Variants in IDI1 observed in about 807,000 individuals in gnomAD.
IDI1 encodes the protein isopentenyl-diphosphate delta isomerase 1.
A neutral mutation model predicts 32.9 loss-of-function variants in IDI1; 23 were observed. The ratio of observed to expected loss-of-function variants is 0.70; its 90% confidence interval spans 0.50 to 0.99. IDI1 has a LOEUF of 0.99. IDI1 is among the 50% of genes least tolerant of loss of function. The pLI is 0.00. For missense variants in IDI1, 326 were observed against 351.9 expected (o/e 0.93, Z 0.59); for synonymous variants, 133 against 128.2 (o/e 1.04, Z -0.25).
the IDI1 span, among the ~76,000 whole-genome samples, chr10:1,055,790 C>T: frequency 6.6e-6 from 1 of 152,080 alleles, no homozygotes. Flanking sequence ...CAAGTTACCA[C>T]TTCTGACTCT....
chr10:1,055,203 T>G, the IDI1 span, among the ~76,000 whole-genome samples: 2 of 152,282 alleles, frequency 1.3e-5, no homozygotes, highest in Non-Finnish European at 2.9e-5. Flanking sequence ...TTTTGACGAG[T>G]AATTTCCACA....
chr10:1,048,259 A>T, intron 1 of IDI1: 1 of 1,304,170 alleles, frequency 7.7e-7, no homozygotes, highest in East Asian at 5.5e-5. Flanking sequence ...GCGTTTAAAG[A>T]ATACCATGTA....
At chr10:1,039,292 T>C (rs941611757), downstream of IDI1, 1 of 154,596 alleles carries the variant, frequency 6.5e-6, no homozygotes, top group African/African-American at 2.4e-5. Flanking sequence ...AAGAAGAAAA[T>C]GTGCCTTCCT....
intron 3 of IDI1, 49 bp from the exon 4 acceptor site, chr10:1,042,811 C>A: frequency 6.4e-7 from 1 of 1,552,088 alleles, no homozygotes; most frequent in South Asian, 1.1e-5. Context: ...CAAAGTAGGT[C>A]TGAAAGATCA....
At chr10:1,043,676 T>G (rs11250238) in intron 2 of IDI1, 1 of 642,512 alleles carries the variant, frequency 1.6e-6, no homozygotes, top group Non-Finnish European at 2.9e-6. Context: ...TGAAGGCACA[T>G]GCTTCCCTGC....
upstream of IDI1, among the ~76,000 whole-genome samples, chr10:1,052,778 TCAA>T (rs1235193484): frequency 2.6e-5 from 4 of 152,194 alleles, no homozygotes; most frequent in Non-Finnish European, 5.9e-5. Flanking sequence ...AGCACTGGCT[TCAA>T]CATAAAGTCA....
chr10:1,042,608 T>C (rs1564484063), intron 4 of IDI1, 24 bp downstream of exon 4: 1 of 1,612,796 alleles, frequency 6.2e-7, no homozygotes, highest in East Asian at 2.2e-5. Context: ...TCAGCTTGTA[T>C]GGTTGTGTAG....
the IDI1 span, among the ~76,000 whole-genome samples, chr10:1,055,698 C>T: frequency 5.5e-5 from 8 of 144,994 alleles, no homozygotes; most frequent in African/African-American, 1.8e-4. Context: ...ATACTTAATG[C>T]AGAAATAACT....
chr10:1,055,865 G>C, the IDI1 span, among the ~76,000 whole-genome samples: 2 of 152,078 alleles, frequency 1.3e-5, no homozygotes, highest in Non-Finnish European at 2.9e-5. Context: ...CTGGAGTGCA[G>C]AGGCGCGATC....
chr10:1,050,750 T>A (rs1399912362), upstream of IDI1, among the ~76,000 whole-genome samples: 1 of 152,106 alleles, frequency 6.6e-6, no homozygotes, highest in East Asian at 1.9e-4. Flanking sequence ...CCAGTTCACC[T>A]CACGTGCACA....
rs112260074 is a variant in IDI1, at chr10:1,048,637, C to T, written c.140+227G>A. Reference sequence around the variant, plus strand: ...AAAGAATGGCAACGTCTCTGACGCCCCGACTCACGCCTCCGCCTTCCACGG... The same window carrying T: ...AAAGAATGGCAACGTCTCTGACGCCTCGACTCACGCCTCCGCCTTCCACGG... On this transcript the variant is annotated intron_variant, in intron 1 of 4. Coordinates refer to ENST00000381344, the MANE Select transcript of IDI1 (RefSeq NM_004508.4). 14 of 1,409,320 alleles carry T rather than the reference C, an allele frequency of 9.9e-6. No individual in the cohort carries two copies. The African/African-American group carries it at 1.3e-4, about 13-fold the overall frequency. 87.3% of individuals were successfully genotyped at this position (1,409,320 alleles called of 1,614,324 possible).
chr10:1,045,891 G>GTGTGTGTA (rs1832793795), intron 1 of IDI1, among the ~76,000 whole-genome samples: 1 of 151,946 alleles, frequency 6.6e-6, no homozygotes, highest in Non-Finnish European at 1.5e-5. Flanking sequence ...GTGTGTGTGT[G>GTGTGTGTA]TGTGAATGCG....
rs1169210671 is a variant in IDI1 at position 1,041,552 on chromosome 10, CAAA to C, written c.538-51_538-49del. The C allele has an allele frequency of 1.0e-5, 11 of 1,065,502 alleles. No individual in the cohort carries two copies. In the African/African-American group the frequency reaches 1.5e-4, roughly 14 times the overall value. 66.0% of individuals were successfully genotyped at this position (1,065,502 alleles called of 1,614,324 possible). A position where few individuals can be genotyped will look rare whatever the true frequency, so the allele number is the denominator to read the frequency against. On this transcript the variant is annotated intron_variant, in intron 4 of 4. Transcript: ENST00000381344. Reference sequence around the variant, plus strand: ...GTAATTAAAACATCGGCCACCGTAACAAAAAAAATCTAAAATTAGCTCACTGTA... The same window carrying C: ...GTAATTAAAACATCGGCCACCGTAACAAAAATCTAAAATTAGCTCACTGTA...
At chr10:1,042,787 G>A in intron 3 of IDI1, 25 bp from the exon 4 acceptor site, 1 of 1,600,614 alleles carries the variant, frequency 6.2e-7, no homozygotes, top group Non-Finnish European at 8.6e-7. Flanking sequence ...TACAGAGACA[G>A]ATCAACTTTT....
upstream of IDI1, among the ~76,000 whole-genome samples, chr10:1,052,274 T>C (rs1186645035): frequency 6.6e-6 from 1 of 152,234 alleles, no homozygotes; most frequent in African/African-American, 2.4e-5. Context: ...TTCAACAGTG[T>C]TCACATCTTC....
At chr10:1,043,522 T>C (rs774283132) in intron 2 of IDI1, 129 bp from the exon 3 acceptor site, 1 of 722,950 alleles carries the variant, frequency 1.4e-6, no homozygotes, top group Non-Finnish European at 2.6e-6. Context: ...TTTATCCACA[T>C]GCATAGTCTC....
upstream of IDI1, among the ~76,000 whole-genome samples, chr10:1,052,511 A>G (rs1474177610): frequency 2.0e-5 from 3 of 152,230 alleles, no homozygotes; most frequent in African/African-American, 7.2e-5. Flanking sequence ...TGAAATCAAC[A>G]TGAATCTCCT....
At chr10:1,047,957 A>G (rs1246676801) in intron 1 of IDI1, among the ~76,000 whole-genome samples, 1 of 152,220 alleles carries the variant, frequency 6.6e-6, no homozygotes, top group Non-Finnish European at 1.5e-5. Flanking sequence ...GGCCAACTGT[A>G]TATTAGGTGA....
Position 1,040,042 on chromosome 10 carries a change from A to C in IDI1, c.*1145T>G, listed in dbSNP as rs1363970368. ...CAAACATTTAACTTTGCAAGAAATA[A>C]ATTTTTATTTTTCTTCATTATCATA... On this transcript the variant is annotated 3_prime_UTR_variant, in exon 5 of 5. Coordinates refer to ENST00000381344, the MANE Select transcript of IDI1 (RefSeq NM_004508.4). 1 of 152,220 alleles carries C rather than the reference A, an allele frequency of 6.6e-6. No homozygotes were observed. The highest frequency in any genetic ancestry group is 1.9e-4 in the East Asian group (1 of 5,204). The allele number at this position is 152,220 out of a possible 1,614,324, so 9.4% of individuals were successfully genotyped here.
Sources: gnomAD v4.1 joint callset for allele counts (sites outside exome capture counted in the v4.1 genomes callset) on GRCh38, gnomAD v4.1.1 for gene constraint, MANE v1.5 for transcripts, NCBI Gene and HGNC (gene_info 2026-07-23, HGNC 2026-07-21) for gene names.